Variants in SLC8A1 observed in about 807,000 individuals in gnomAD.
SLC8A1 encodes sodium/calcium exchanger 1.
A neutral mutation model predicts 68.3 loss-of-function variants in SLC8A1; 18 were observed. The ratio of observed to expected loss-of-function variants is 0.26; its 90% confidence interval spans 0.18 to 0.39. The LOEUF is 0.39. SLC8A1 is among the 10% of genes least tolerant of loss of function. The pLI, the probability that SLC8A1 is intolerant of heterozygous loss-of-function variation, is 1.00. For missense variants in SLC8A1, 985 were observed against 1,156.7 expected, an observed-to-expected ratio of 0.85 and a Z score of 2.15; for synonymous variants, 475 against 415.5, an observed-to-expected ratio of 1.14 and a Z score of -1.74.
At chr2:40,300,460 T>G (rs1442503000) in intron 2 of SLC8A1, among the ~76,000 whole-genome samples, 1 of 152,152 alleles carries the variant, frequency 6.6e-6, no homozygotes, top group African/African-American at 2.4e-5. Flanking sequence ...AAAAAAGACA[T>G]TCTACATTTC....
Position 40,429,448 on chromosome 2 carries a change from T to A in SLC8A1, c.833A>T (p.His278Leu). The stretch of plus-strand genomic sequence containing the variant: ...CTTAGAAGATGGCCTGTCTCCTTCA[T>A]GTTCAATAATCATCCCCCTCTGCTT... Residue 278 changes from histidine to leucine, a missense_variant, in exon 2 of 8, where the codon CAT becomes CTT. Transcript: ENST00000406785. 2 of 1,613,934 alleles carry A rather than the reference T, an allele frequency of 1.2e-6. 1 individual carries two copies. Among genetic ancestry groups the A allele is most frequent in the South Asian group, 2.2e-5 (2 of 91,082 alleles).
chr2:40,097,727 A>G (rs1009587438), exon 8 of SLC8A1: 2 of 151,976 alleles, frequency 1.3e-5, no homozygotes, highest in African/African-American at 4.8e-5. Context: ...TAAAAATAAA[A>G]CTCTGAAATC....
chr2:40,357,620 T>C (rs973012445), intron 2 of SLC8A1, among the ~76,000 whole-genome samples: 1 of 151,994 alleles, frequency 6.6e-6, no homozygotes, highest in African/African-American at 2.4e-5. Context: ...TAAACCACTA[T>C]GGCGTGTGTA....
chr2:40,475,340 A>G (rs879892191), intron 1 of SLC8A1, among the ~76,000 whole-genome samples: 6 of 151,918 alleles, frequency 3.9e-5, no homozygotes, highest in Non-Finnish European at 7.4e-5. Context: ...TCACCGTGTT[A>G]GCCAGGATGG....
chr2:40,230,098 T>C (rs573765612), intron 2 of SLC8A1, among the ~76,000 whole-genome samples: 1 of 152,288 alleles, frequency 6.6e-6, no homozygotes, highest in African/African-American at 2.4e-5. Flanking sequence ...GCAATCCATC[T>C]CTAGATCCCC....
intron 2 of SLC8A1, among the ~76,000 whole-genome samples, chr2:40,360,085 A>G (rs377400856): frequency 6.6e-6 from 1 of 152,206 alleles, no homozygotes. Flanking sequence ...AATCATCCCA[A>G]AAACCTTACA....
At chr2:40,448,280 GGAGA>G (rs377163545) in intron 1 of SLC8A1, among the ~76,000 whole-genome samples, 40 of 152,216 alleles carry the variant, frequency 2.6e-4, no homozygotes, top group African/African-American at 8.7e-4. Flanking sequence ...GGGAGGCCAG[GGAGA>G]GAAAGAGAGA....
chr2:40,233,555 T>A (rs9679379), intron 2 of SLC8A1, among the ~76,000 whole-genome samples: 91,491 of 123,474 alleles, frequency 0.74, 34,800 homozygotes, highest in Middle Eastern at 0.83. Context: ...TTGCCTGTTC[T>A]CTCTGACGGT....
chr2:40,325,054 T>C (rs2075651818), intron 2 of SLC8A1, among the ~76,000 whole-genome samples: 1 of 151,968 alleles, frequency 6.6e-6, no homozygotes, highest in South Asian at 2.1e-4. Context: ...CTTTCCTTAA[T>C]AATGATCCAA....
At chr2:40,441,077 A>C (rs1416779165) in intron 1 of SLC8A1, among the ~76,000 whole-genome samples, 2 of 152,174 alleles carry the variant, frequency 1.3e-5, no homozygotes, top group Non-Finnish European at 2.9e-5. Flanking sequence ...CAACTTCAGC[A>C]GTCTCAGGAA....
In SLC8A1 at chr2:40,326,227, C is replaced by T. The variant is rs569653589; in HGVS notation, c.1808+102246G>A. Among the ~76,000 whole-genome samples the T allele has an allele frequency of 3.9e-5, 6 of 152,234 alleles. No homozygotes were observed. The East Asian group carries it at 7.7e-4, about 20-fold the overall frequency. ...GGAAAAGGCTACTGGGGTGCCTGCC[C>T]ATACTCTCTGTTTTCTGTTTACCCC... On this transcript the variant is annotated intron_variant, in intron 2 of 7. Transcript: ENST00000406785.
intron 1 of SLC8A1, among the ~76,000 whole-genome samples, chr2:40,447,657 C>T (rs72798677): frequency 7.3e-5 from 11 of 151,232 alleles, no homozygotes; most frequent in African/African-American, 2.2e-4. Flanking sequence ...AGCTCCTTCT[C>T]GGATAATATT....
chr2:40,456,059 G>A (rs139974851), upstream of SLC8A1, among the ~76,000 whole-genome samples: 2 of 152,318 alleles, frequency 1.3e-5, no homozygotes, highest in African/African-American at 2.4e-5. Flanking sequence ...GCTCACGCCT[G>A]TAATCCCAGC....
chr2:40,283,933 A>G (rs1559088899), intron 2 of SLC8A1, among the ~76,000 whole-genome samples: 2 of 152,162 alleles, frequency 1.3e-5, no homozygotes, highest in South Asian at 2.1e-4. Flanking sequence ...TTTTTCTGAA[A>G]AGCAAAGCTG....
At chr2:40,186,621 A>C (rs935499854) in intron 2 of SLC8A1, among the ~76,000 whole-genome samples, 2 of 152,176 alleles carry the variant, frequency 1.3e-5, no homozygotes, top group African/African-American at 4.8e-5. Context: ...ATAGTCATAA[A>C]AACAGGACTG....
At chr2:40,226,198 G>C (rs1049992271) in intron 2 of SLC8A1, among the ~76,000 whole-genome samples, 1 of 152,094 alleles carries the variant, frequency 6.6e-6, no homozygotes, top group African/African-American at 2.4e-5. Context: ...GAAGGGCAAA[G>C]GATGGCAAAT....
At chr2:40,214,264 C>T (rs1452963994) in intron 2 of SLC8A1, among the ~76,000 whole-genome samples, 1 of 152,140 alleles carries the variant, frequency 6.6e-6, no homozygotes, top group African/African-American at 2.4e-5. Context: ...TCCTCACAGT[C>T]TCTGGAGTCT....
chr2:40,182,401 G>A (rs1300942419), intron 2 of SLC8A1, among the ~76,000 whole-genome samples: 1 of 152,040 alleles, frequency 6.6e-6, no homozygotes. Context: ...AACTAGCAAA[G>A]CAGTTACAAA....
At chr2:40,490,601 G>T (rs772301582) in intron 1 of SLC8A1, among the ~76,000 whole-genome samples, 11 of 152,086 alleles carry the variant, frequency 7.2e-5, no homozygotes, top group Non-Finnish European at 1.3e-4. Flanking sequence ...ACACAAAGTT[G>T]ACTATAACAT....
Sources: allele counts gnomAD v4.1 joint callset (sites outside exome capture counted in the v4.1 genomes callset), GRCh38; gene constraint gnomAD v4.1.1; transcripts MANE v1.5; gene names NCBI Gene and HGNC (gene_info 2026-07-23, HGNC 2026-07-21).